Variants in HOPX observed in about 807,000 individuals in gnomAD.
HOPX encodes the protein HOP homeobox, also known as homeodomain-only protein.
HOPX carries 5 observed loss-of-function variants against 11.8 expected under a neutral mutation model. That is an observed-to-expected ratio of 0.43 (90% CI 0.22 to 0.89). HOPX has a LOEUF of 0.89. HOPX is among the 40% of genes least tolerant of loss of function. The pLI, the probability that HOPX is intolerant of heterozygous loss-of-function variation, is 0.28. For synonymous variants in HOPX, 49 were observed against 49.7 expected, an observed-to-expected ratio of 0.99 and a Z score of 0.06; for missense variants, 119 against 120.0, an observed-to-expected ratio of 0.99 and a Z score of 0.04.
chr4:56,681,339 G>A, upstream of HOPX: 1 of 985,394 alleles, frequency 1.0e-6, no homozygotes, highest in Non-Finnish European at 1.2e-6. Context: ...TGGGCTGGCT[G>A]ACGCAGGCTG....
intron 1 of HOPX, among the ~76,000 whole-genome samples, chr4:56,671,690 G>A (rs560549627): frequency 2.6e-5 from 4 of 152,110 alleles, no homozygotes; most frequent in East Asian, 3.9e-4. Flanking sequence ...TTAACATCAC[G>A]AAATAATTGA....
At chr4:56,674,032 T>C (rs1472428668) in intron 1 of HOPX, among the ~76,000 whole-genome samples, 1 of 151,472 alleles carries the variant, frequency 6.6e-6, no homozygotes, top group Non-Finnish European at 1.5e-5. Context: ...TAGTCAACTA[T>C]TGTTTAACTC....
intron 1 of HOPX, among the ~76,000 whole-genome samples, chr4:56,658,587 T>C (rs945520652): frequency 1.3e-5 from 2 of 152,262 alleles, no homozygotes; most frequent in African/African-American, 4.8e-5. Context: ...TGTTTGCTGT[T>C]ACTTCGTTTC....
intron 3 of HOPX, 110 bp downstream of exon 3, chr4:56,655,747 T>C: frequency 4.8e-6 from 6 of 1,257,434 alleles, no homozygotes; most frequent in Non-Finnish European, 6.6e-6. Flanking sequence ...CGATGGGAGA[T>C]CATGGGGAGG....
intron 1 of HOPX, among the ~76,000 whole-genome samples, chr4:56,676,169 G>T (rs1423861165): frequency 6.6e-6 from 1 of 151,530 alleles, no homozygotes; most frequent in South Asian, 2.1e-4. Context: ...GTGGTGGTGT[G>T]TGTCTGTGGT....
intron 1 of HOPX, among the ~76,000 whole-genome samples, chr4:56,674,961 C>T (rs145607750): frequency 6.6e-6 from 1 of 150,458 alleles, no homozygotes; most frequent in East Asian, 1.9e-4. Context: ...TCAAACAATC[C>T]TCCCACCTCT....
At chr4:56,660,435 A>G (rs1384327395) in intron 1 of HOPX, among the ~76,000 whole-genome samples, 1 of 152,180 alleles carries the variant, frequency 6.6e-6, no homozygotes, top group African/African-American at 2.4e-5. Flanking sequence ...AAATACCACA[A>G]AATGTTAACA....
intron 1 of HOPX, among the ~76,000 whole-genome samples, 170 bp from the exon 2 acceptor site, chr4:56,658,069 CTG>C (rs1231306574): frequency 6.6e-6 from 1 of 152,194 alleles, no homozygotes; most frequent in Admixed American, 6.5e-5. Context: ...TGGGAGACAG[CTG>C]CCTCTGATTT....
At position 56,651,402 on chromosome 4, in the gene HOPX, C is replaced by T. The variant is rs1317266401; in HGVS notation, c.199-2605G>A. 1.5e-4 allele frequency among the ~76,000 whole-genome samples: 22 copies of T among 145,310 alleles called. 1 individual carries two copies. Among genetic ancestry groups the T allele is most frequent in the Admixed American group, 1.5e-3 (22 of 14,994 alleles). ...CCAACAGAAATCATTAAATACCTTG[C>T]TTGCTTTTTTCCCTTTAGAGCTGTA... On this transcript the variant is annotated intron_variant, in intron 3 of 3. Transcript: ENST00000420433.
intron 2 of HOPX, 81 bp from the exon 3 acceptor site, chr4:56,656,093 G>C (rs1717692392): frequency 3.7e-6 from 5 of 1,354,496 alleles, no homozygotes; most frequent in South Asian, 3.4e-5. Flanking sequence ...TCGCGGCGCC[G>C]CCGGGCAGCC....
At chr4:56,680,196 G>A (rs978081714) in intron 1 of HOPX, 3 of 152,128 alleles carry the variant, frequency 2.0e-5, no homozygotes, top group South Asian at 2.1e-4. Flanking sequence ...GAAAGTGAGA[G>A]TCAAGGTGTG....
intron 1 of HOPX, among the ~76,000 whole-genome samples, chr4:56,667,310 T>C (rs1342621496): frequency 1.3e-5 from 2 of 152,244 alleles, no homozygotes; most frequent in African/African-American, 4.8e-5. Context: ...TTTAGGACGT[T>C]AGACATTTTC....
intron 2 of HOPX, chr4:56,656,653 T>A (rs1269425437): frequency 1.2e-5 from 2 of 169,732 alleles, no homozygotes; most frequent in African/African-American, 4.8e-5. Context: ...TTAATGTCTT[T>A]CCATTTTACA....
At chr4:56,676,858 T>C (rs1357410633) in intron 1 of HOPX, among the ~76,000 whole-genome samples, 1 of 151,360 alleles carries the variant, frequency 6.6e-6, no homozygotes, top group African/African-American at 2.5e-5. Flanking sequence ...GAGACAGGAC[T>C]GGCCACAGGC....
intron 3 of HOPX, chr4:56,651,144 G>A (rs1487075717): frequency 4.8e-6 from 1 of 209,956 alleles, no homozygotes; most frequent in Non-Finnish European, 9.6e-6. Flanking sequence ...TCATTTAAAA[G>A]AGCCACCCAC....
chr4:56,655,865 C>G lies in HOPX; in HGVS notation c.190G>C (p.Glu64Gln), dbSNP rs755104063. The G allele has an allele frequency of 1.2e-6, 2 of 1,611,202 alleles. No homozygotes were observed. The highest frequency in any genetic ancestry group is 2.7e-5 in the African/African-American group (2 of 74,746). Residue 64 changes from glutamate (E) to glutamine (Q), a missense_variant, in exon 3 of 4, where the codon GAG becomes CAG. Coordinates refer to ENST00000420433, the MANE Select transcript of HOPX (RefSeq NM_032495.6). ...CGCGTGTGGGGACGCACCTGGGTCT[C>G]CTCCTCGGAAAGGCCTGCCTCGGCC... ...IAAEAGLSEE[E>Q]TQKWFKQRLA... is the part of the protein sequence containing the mutation.
At chr4:56,678,063 ATTC>A (rs1456443701) in intron 1 of HOPX, among the ~76,000 whole-genome samples, 2 of 151,606 alleles carry the variant, frequency 1.3e-5, no homozygotes, top group Non-Finnish European at 2.9e-5. Context: ...GCCCTGAGTA[ATTC>A]TTCTAGTTTG....
At chr4:56,668,657 T>C (rs140054936) in intron 1 of HOPX, among the ~76,000 whole-genome samples, 11 of 152,358 alleles carry the variant, frequency 7.2e-5, no homozygotes, top group African/African-American at 2.6e-4. Flanking sequence ...GTCTGAGCCA[T>C]TATGCCTGGC....
intron 3 of HOPX, chr4:56,650,113 G>A (rs773947805): frequency 6.5e-6 from 1 of 154,880 alleles, no homozygotes; most frequent in African/African-American, 2.4e-5. Flanking sequence ...GCAGCCCTGG[G>A]CTCTGCCAAC....
Sources: allele counts gnomAD v4.1 joint callset (sites outside exome capture counted in the v4.1 genomes callset), GRCh38; gene constraint gnomAD v4.1.1; transcripts MANE v1.5; gene names NCBI Gene and HGNC (gene_info 2026-07-23, HGNC 2026-07-21).